Variants in CACHD1 observed in about 807,000 individuals in gnomAD.
CACHD1 encodes cache domain containing 1, also known as VWFA and cache domain-containing protein 1.
A neutral mutation model predicts 138.7 loss-of-function variants in CACHD1; 71 were observed. That is an observed-to-expected ratio of 0.51 (90% CI 0.42 to 0.62). The LOEUF is 0.62. CACHD1 is among the 20% of genes least tolerant of loss of function. The pLI is 0.00. For synonymous variants in CACHD1, 578 were observed against 591.5 expected, an observed-to-expected ratio of 0.98 and a Z score of 0.33; for missense variants, 1,389 against 1,625.3, an observed-to-expected ratio of 0.85 and a Z score of 2.50.
Position 64,602,921 on chromosome 1 carries a change from T to TC in CACHD1, c.517+11dup. ...ACGAGACTTAAATTCAGGTCAGTAATCCATTGGCTTTATAAAGATGAACTG... is the reference window on the plus strand; with the variant it reads ...ACGAGACTTAAATTCAGGTCAGTAATCCCATTGGCTTTATAAAGATGAACTG... On this transcript the variant is annotated intron_variant, in intron 4 of 26. Coordinates refer to ENST00000651257, the MANE Select transcript of CACHD1 (RefSeq NM_020925.4). 6.5e-7 allele frequency: 1 copy of TC among 1,545,180 alleles called. No homozygotes were observed. The highest frequency in any genetic ancestry group is 9.0e-7 in the Non-Finnish European group (1 of 1,117,304).
rs1464146861 is a variant in CACHD1, at chr1:64,554,890, C to G, written c.261+4234C>G. On this transcript the variant is annotated intron_variant, in intron 2 of 26. Coordinates refer to ENST00000651257, the MANE Select transcript of CACHD1 (RefSeq NM_020925.4). ...TTTTAAATAAAATAGCTACATGTGG[C>G]TGGTAGTTACCATATTAGGTTGCTG... 3.3e-5 allele frequency among the ~76,000 whole-genome samples: 5 copies of G among 152,320 alleles called. No individual in the cohort carries two copies. In the East Asian group the frequency reaches 9.6e-4, roughly 29 times the overall value.
At chr1:64,485,549 C>T (rs1225899578) in intron 1 of CACHD1, among the ~76,000 whole-genome samples, 1 of 152,030 alleles carries the variant, frequency 6.6e-6, no homozygotes, top group Non-Finnish European at 1.5e-5. Flanking sequence ...TACCCATTCA[C>T]TAATTAAAGA....
intron 2 of CACHD1, among the ~76,000 whole-genome samples, chr1:64,574,190 A>G (rs536935876): frequency 7.2e-5 from 11 of 152,270 alleles, no homozygotes; most frequent in African/African-American, 2.6e-4. Context: ...ATTAGAAGAA[A>G]AGGTCTTTTT....
intron 3 of CACHD1, among the ~76,000 whole-genome samples, chr1:64,584,146 A>G (rs1189764434): frequency 6.6e-6 from 1 of 152,164 alleles, no homozygotes; most frequent in Admixed American, 6.5e-5. Flanking sequence ...AGCTAGATTT[A>G]TGCATTTTTC....
At chr1:64,563,316 A>G (rs1278848034) in intron 2 of CACHD1, among the ~76,000 whole-genome samples, 1 of 152,218 alleles carries the variant, frequency 6.6e-6, no homozygotes, top group Non-Finnish European at 1.5e-5. Context: ...GTTTGGTTTT[A>G]TAAGAAAATG....
intron 16 of CACHD1, 127 bp downstream of exon 16, chr1:64,666,294 G>A (rs1288742157): frequency 1.9e-6 from 1 of 527,460 alleles, no homozygotes; most frequent in Non-Finnish European, 3.3e-6. Flanking sequence ...AGGCCAGCTG[G>A]GATTTGAACA....
intron 1 of CACHD1, among the ~76,000 whole-genome samples, chr1:64,543,499 C>A (rs1042412892): frequency 4.0e-5 from 6 of 150,204 alleles, no homozygotes; most frequent in Non-Finnish European, 7.4e-5. Context: ...TCACTTGAGC[C>A]CAGGAATTCA....
intron 2 of CACHD1, among the ~76,000 whole-genome samples, chr1:64,564,342 C>T (rs114171164): frequency 5.2e-4 from 79 of 152,124 alleles, no homozygotes; most frequent in Non-Finnish European, 8.5e-4. Context: ...CTTTATTCCC[C>T]GTGCATTTCT....
At chr1:64,545,292 A>T (rs1214360152) in intron 1 of CACHD1, among the ~76,000 whole-genome samples, 1 of 152,206 alleles carries the variant, frequency 6.6e-6, no homozygotes, top group Non-Finnish European at 1.5e-5. Context: ...ACAAAAGTGA[A>T]CACATCCGGT....
intron 1 of CACHD1, chr1:64,506,510 A>C (rs1003875985): frequency 2.6e-5 from 4 of 152,274 alleles, no homozygotes; most frequent in African/African-American, 9.6e-5. Flanking sequence ...ATTTTAATGC[A>C]GAGGAGGATT....
intron 6 of CACHD1, 128 bp downstream of exon 6, chr1:64,632,871 T>C (rs148999135): frequency 5.7e-4 from 650 of 1,141,348 alleles, no homozygotes; most frequent in Admixed American, 4.6e-3. Context: ...GATAAATCCA[T>C]CATAAGTTGA....
chr1:64,528,051 A>G (rs1027026302), intron 1 of CACHD1, among the ~76,000 whole-genome samples: 2 of 152,204 alleles, frequency 1.3e-5, no homozygotes, highest in African/African-American at 4.8e-5. Flanking sequence ...TTTCTGAAAG[A>G]TTATCTCCAT....
intron 4 of CACHD1, among the ~76,000 whole-genome samples, chr1:64,614,961 T>C (rs1647660545): frequency 6.6e-6 from 1 of 152,160 alleles, no homozygotes; most frequent in Non-Finnish European, 1.5e-5. Context: ...CTCAAAAGCC[T>C]CTGATGGCTC....
intron 2 of CACHD1, among the ~76,000 whole-genome samples, chr1:64,570,928 A>T (rs529965345): frequency 6.6e-6 from 1 of 152,000 alleles, no homozygotes; most frequent in Non-Finnish European, 1.5e-5. Flanking sequence ...AATGATATTA[A>T]AAAAAAACTT....
intron 4 of CACHD1, chr1:64,613,481 A>G (rs1647601216): frequency 6.6e-6 from 1 of 152,194 alleles, no homozygotes; most frequent in Admixed American, 6.5e-5. Flanking sequence ...TACTCACTTT[A>G]TTCCAGGGGT....
intron 3 of CACHD1, among the ~76,000 whole-genome samples, chr1:64,593,540 G>C (rs945831261): frequency 2.0e-5 from 3 of 152,030 alleles, no homozygotes; most frequent in Admixed American, 2.0e-4. Context: ...GAACAACTGA[G>C]TTTAAATTTT....
rs1283949858 is a variant in CACHD1, at chr1:64,582,235, A to G, written c.341A>G (p.Tyr114Cys). The change falls in exon 3 of 27, where the codon TAT becomes TGT. Residue 114 changes from tyrosine to cysteine, a missense_variant. By Grantham distance (194) the Tyr-to-Cys change is radical. Coordinates refer to ENST00000651257, the MANE Select transcript of CACHD1 (RefSeq NM_020925.4). Reference protein sequence around the residue: ...NRNKQVVEASYTAHLTSPLTA... With the variant: ...NRNKQVVEASCTAHLTSPLTA... Reference sequence around the variant, plus strand: ...AACAAGCAAGTTGTAGAAGCATCCTATACGGCTCACCTAACCTCTCCCCTA... The same window carrying G: ...AACAAGCAAGTTGTAGAAGCATCCTGTACGGCTCACCTAACCTCTCCCCTA... 1.2e-6 allele frequency: 2 copies of G among 1,614,024 alleles called. No individual in the cohort carries two copies. The highest frequency in any genetic ancestry group is 1.7e-5 in the Admixed American group (1 of 60,016).
At chr1:64,530,681 G>C (rs1158000034) in intron 1 of CACHD1, among the ~76,000 whole-genome samples, 1 of 151,968 alleles carries the variant, frequency 6.6e-6, no homozygotes, top group Non-Finnish European at 1.5e-5. Flanking sequence ...GACCAGCCTG[G>C]CCAACATGGT....
At chr1:64,681,956 T>G in intron 25 of CACHD1, 49 bp from the exon 26 acceptor site, 12 of 1,492,316 alleles carry the variant, frequency 8.0e-6, no homozygotes, top group Non-Finnish European at 1.1e-5. Flanking sequence ...TTTGAAACAA[T>G]GGAGATACTG....
Sources: gnomAD v4.1 joint callset for allele counts (sites outside exome capture counted in the v4.1 genomes callset) on GRCh38, gnomAD v4.1.1 for gene constraint, MANE v1.5 for transcripts, NCBI Gene and HGNC (gene_info 2026-07-23, HGNC 2026-07-21) for gene names.